Variants in TMEM45B observed in about 807,000 individuals in gnomAD.
TMEM45B encodes transmembrane protein 45B.
A neutral mutation model predicts 27.3 loss-of-function variants in TMEM45B; 29 were observed. The observed-to-expected ratio is 1.06, with a 90% confidence interval of 0.79 to 1.45. TMEM45B has a LOEUF of 1.45. Among genes scored for constraint, TMEM45B ranks in the 40% most tolerant of loss-of-function variants. TMEM45B has a pLI of 0.00. For missense variants in TMEM45B, 348 were observed against 343.9 expected (o/e 1.01, Z -0.09); for synonymous variants, 143 against 134.7 (o/e 1.06, Z -0.43).
chr11:129,838,919 C>T (rs1053951940), intron 1 of TMEM45B, among the ~76,000 whole-genome samples: 1 of 152,122 alleles, frequency 6.6e-6, no homozygotes, highest in Non-Finnish European at 1.5e-5. Context: ...TTTTTTAAAG[C>T]ACCATATCAA....
chr11:129,857,274 G>T lies in TMEM45B; in HGVS notation c.571-39G>T, dbSNP rs192892180. On this transcript the variant is annotated intron_variant, in intron 4 of 5. Transcript: ENST00000281441. ...GAACGGCTAGATTGCTTCTCAGGAC[G>T]ACCAACCACAAGACCAACTTCTCTC... is the stretch of plus-strand genomic sequence containing the variant. 4 of 1,606,676 alleles carry T rather than the reference G, an allele frequency of 2.5e-6. No individual in the cohort carries two copies. The South Asian group carries it at 3.3e-5, about 13-fold the overall frequency.
At chr11:129,826,548 CAA>C (rs1555069241) in intron 1 of TMEM45B, among the ~76,000 whole-genome samples, 471 of 17,832 alleles carry the variant, frequency 0.026, 47 homozygotes, top group Admixed American at 0.18. Context: ...GACTCTGTCA[CAA>C]AAAAAAAAAA....
intron 1 of TMEM45B, among the ~76,000 whole-genome samples, chr11:129,848,239 A>C (rs1012173081): frequency 6.6e-6 from 1 of 150,812 alleles, no homozygotes; most frequent in Non-Finnish European, 1.5e-5. Context: ...CACTGAGTGA[A>C]CGAGACTCCG....
intron 1 of TMEM45B, among the ~76,000 whole-genome samples, chr11:129,818,461 A>G (rs1321379616): frequency 6.6e-6 from 1 of 152,234 alleles, no homozygotes; most frequent in Non-Finnish European, 1.5e-5. Flanking sequence ...TGTAAACAGC[A>G]CTGTTCAGGT....
chr11:129,847,417 A>ATTTTTTTTT (rs777733202), intron 1 of TMEM45B, among the ~76,000 whole-genome samples: 40 of 140,400 alleles, frequency 2.8e-4, no homozygotes, highest in East Asian at 2.3e-3. Context: ...ATTTTTTTTT[A>ATTTTTTTTT]TTTTTTTTTA....
intron 1 of TMEM45B, among the ~76,000 whole-genome samples, chr11:129,834,374 T>C (rs564794582): frequency 3.5e-4 from 53 of 151,590 alleles, no homozygotes; most frequent in African/African-American, 1.2e-3. Flanking sequence ...GAAATTGCAG[T>C]GAGCTGAGAT....
intron 1 of TMEM45B, among the ~76,000 whole-genome samples, chr11:129,846,633 C>T (rs1441668243): frequency 6.6e-6 from 1 of 152,116 alleles, no homozygotes; most frequent in Admixed American, 6.6e-5. Context: ...TTTCCAGAGG[C>T]CCACATTTTA....
intron 1 of TMEM45B, among the ~76,000 whole-genome samples, chr11:129,816,488 G>A (rs1947352813): frequency 6.6e-6 from 1 of 152,122 alleles, no homozygotes; most frequent in South Asian, 2.1e-4. Context: ...AAAGTCCCCC[G>A]AGCCAGTGCT....
Position 129,858,551 on chromosome 11 carries a change from C to T in TMEM45B, c.717-23C>T, listed in dbSNP as rs367710827. The T allele has an allele frequency of 3.3e-4, 512 of 1,543,562 alleles. 2 individuals carry two copies. The African/African-American group carries it at 5.8e-3, about 17-fold the overall frequency. On this transcript the variant is annotated intron_variant, in intron 5 of 5. Transcript: ENST00000281441. ...ATTAAGGGAATCTCTGGCTAATTGG[C>T]TCTTACTCTTTCTCTATTAAAGCCT...
intron 1 of TMEM45B, among the ~76,000 whole-genome samples, chr11:129,837,585 C>T (rs1236639556): frequency 2.0e-3 from 160 of 80,252 alleles, no homozygotes; most frequent in East Asian, 2.7e-3. Flanking sequence ...CTGCACTGGG[C>T]TTTTTTTTTT....
In TMEM45B at chr11:129,854,750, T is replaced by A; in HGVS notation, c.319T>A (p.Tyr107Asn). Residue 107 changes from tyrosine (Y) to asparagine (N), a missense_variant, in exon 3 of 6, where the codon TAT becomes AAT. Transcript: ENST00000281441. Reference sequence around the variant, plus strand: ...CTCAGGAATTGTTGACATGCTCACCTATCTGGTCAGCCACGTTCCCTTGGG... The same window carrying A: ...CTCAGGAATTGTTGACATGCTCACCAATCTGGTCAGCCACGTTCCCTTGGG... ...AVSGIVDMLT[Y>N]LVSHVPLGVD... is the part of the protein sequence containing the mutation. 1 of 1,614,232 alleles carries A rather than the reference T, an allele frequency of 6.2e-7. No homozygotes were observed. The highest frequency in any genetic ancestry group is 8.5e-7 in the Non-Finnish European group (1 of 1,180,032).
intron 1 of TMEM45B, 25 bp downstream of exon 1, chr11:129,815,923 G>A: frequency 1.6e-6 from 2 of 1,270,800 alleles, no homozygotes; most frequent in Non-Finnish European, 2.0e-6. Context: ...CCCGCAGGGG[G>A]CTCGAACCTG....
At chr11:129,830,544 C>A (rs1947535581) in intron 1 of TMEM45B, among the ~76,000 whole-genome samples, 1 of 152,118 alleles carries the variant, frequency 6.6e-6, no homozygotes, top group African/African-American at 2.4e-5. Context: ...CAAGAAAAGA[C>A]AACTCACAGA....
intron 1 of TMEM45B, among the ~76,000 whole-genome samples, 172 bp from the exon 2 acceptor site, chr11:129,852,303 T>C (rs1382243221): frequency 6.6e-6 from 1 of 152,218 alleles, no homozygotes; most frequent in African/African-American, 2.4e-5. Flanking sequence ...CAACTCACTT[T>C]ACAGATGAGA....
chr11:129,843,305 T>A, intron 1 of TMEM45B, among the ~76,000 whole-genome samples: 1 of 152,244 alleles, frequency 6.6e-6, no homozygotes, highest in East Asian at 1.9e-4. Flanking sequence ...GGAAAAGTTA[T>A]GATTTTGTAG....
chr11:129,828,021 T>C (rs1313957336), intron 1 of TMEM45B: 2 of 133,644 alleles, frequency 1.5e-5, no homozygotes, highest in Non-Finnish European at 3.4e-5. Flanking sequence ...CCATCATACA[T>C]GCCGTCTGTC....
intron 1 of TMEM45B, among the ~76,000 whole-genome samples, chr11:129,819,240 GAA>G (rs1305903180): frequency 2.6e-5 from 4 of 152,218 alleles, no homozygotes; most frequent in Non-Finnish European, 5.9e-5. Context: ...ATAAACATCT[GAA>G]AAAGTGTGAG....
chr11:129,854,533 C>G, intron 2 of TMEM45B, 77 bp from the exon 3 acceptor site: 2 of 1,469,284 alleles, frequency 1.4e-6, no homozygotes, highest in Non-Finnish European at 1.9e-6. Context: ...TTCGCTCATG[C>G]CTTTGGGTTA....
At chr11:129,842,739 T>C (rs1204592511) in intron 1 of TMEM45B, among the ~76,000 whole-genome samples, 3 of 152,204 alleles carry the variant, frequency 2.0e-5, no homozygotes, top group Admixed American at 6.5e-5. Context: ...GGTGCTAGCG[T>C]TGATTTCTTT....
Sources: allele counts gnomAD v4.1 joint callset (sites outside exome capture counted in the v4.1 genomes callset), GRCh38; gene constraint gnomAD v4.1.1; transcripts MANE v1.5; gene names NCBI Gene and HGNC (gene_info 2026-07-23, HGNC 2026-07-21).